CTSS: variants seen among roughly 807,000 people sequenced by gnomAD.
The protein encoded by CTSS is cathepsin S.
Under a neutral mutation model 39.9 loss-of-function variants are expected in CTSS, and 15 were observed. The observed-to-expected ratio is 0.38, with a 90% confidence interval of 0.25 to 0.58. The LOEUF is 0.58. Ranked by LOEUF, CTSS falls within the 20% of genes least tolerant of loss-of-function variation. The pLI is 0.70. For missense variants in CTSS, 250 were observed against 398.2 expected (o/e 0.63, Z 3.17); for synonymous variants, 126 against 138.2 (o/e 0.91, Z 0.62).
At chr1:150,740,605 G>A (rs1360341645) in intron 7 of CTSS, among the ~76,000 whole-genome samples, 1 of 152,110 alleles carries the variant, frequency 6.6e-6, no homozygotes, top group Non-Finnish European at 1.5e-5. Context: ...TGTTAGCCAG[G>A]ATGGTCTTGA....
rs181674445 is a variant in CTSS, at chr1:150,739,015, C to T, written c.897-5870G>A. On this transcript the variant is annotated intron_variant, in intron 7 of 7. Coordinates refer to ENST00000368985, the MANE Select transcript of CTSS (RefSeq NM_004079.5). ...TTCGAGACCAGCCTGGCCAACATGG[C>T]GAAACCCCGTCTGTACTAAAAATAC... 1.1e-3 allele frequency among the ~76,000 whole-genome samples: 171 copies of T among 151,884 alleles called. 2 individuals are homozygous for T. In the South Asian group the frequency reaches 0.023, roughly 21 times the overall value.
At position 150,732,942 on chromosome 1, in the gene CTSS, C is replaced by T; in HGVS notation, c.*104G>A. ...TATTTTCTAATTAGTACAGTAAATA[C>T]ACATTAATCATGACACAATTATTTC... On this transcript the variant is annotated 3_prime_UTR_variant, in exon 8 of 8. Transcript: ENST00000368985. 2.4e-6 allele frequency: 2 copies of T among 830,286 alleles called. No individual in the cohort carries two copies. The highest frequency in any genetic ancestry group is 2.7e-5 in the East Asian group (1 of 36,740). The allele number at this position is 830,286 out of a possible 1,614,324, so 51.4% of individuals were successfully genotyped here.
At chr1:150,741,022 C>T (rs1297993835) in intron 7 of CTSS, among the ~76,000 whole-genome samples, 1 of 151,658 alleles carries the variant, frequency 6.6e-6, no homozygotes, top group Non-Finnish European at 1.5e-5. Context: ...TTTTTTTTGA[C>T]ATAGGGTCCT....
intron 7 of CTSS, among the ~76,000 whole-genome samples, chr1:150,743,231 T>C (rs1234405157): frequency 6.6e-6 from 1 of 151,976 alleles, no homozygotes; most frequent in Non-Finnish European, 1.5e-5. Context: ...CATATGTTTT[T>C]TGGGTCATTG....
intron 2 of CTSS, 45 bp downstream of exon 2, chr1:150,764,593 A>G: frequency 6.2e-7 from 1 of 1,611,096 alleles, no homozygotes; most frequent in Non-Finnish European, 8.5e-7. Flanking sequence ...GGTAGAAAAC[A>G]GTACTCCTTT....
At chr1:150,765,362 T>C (rs2101930270) in intron 1 of CTSS, among the ~76,000 whole-genome samples, 1 of 152,248 alleles carries the variant, frequency 6.6e-6, no homozygotes, top group African/African-American at 2.4e-5. Flanking sequence ...CACTTCTGTA[T>C]TTAATTCAAG....
intron 7 of CTSS, among the ~76,000 whole-genome samples, chr1:150,739,413 T>C (rs1353866832): frequency 1.3e-5 from 2 of 152,032 alleles, no homozygotes; most frequent in Non-Finnish European, 2.9e-5. Context: ...AACACATGAA[T>C]GAAAGCAAAA....
chr1:150,764,023 T>TACC (rs772768626), intron 2 of CTSS, among the ~76,000 whole-genome samples: 10 of 152,046 alleles, frequency 6.6e-5, no homozygotes, highest in Non-Finnish European at 1.0e-4. Context: ...ATAGACTTCT[T>TACC]ACCACCACCA....
intron 7 of CTSS, 118 bp downstream of exon 7, chr1:150,747,659 T>C: frequency 1.4e-6 from 1 of 700,978 alleles, no homozygotes; most frequent in Non-Finnish European, 2.5e-6. Context: ...TAAGAAGCTA[T>C]AAAGTTCATC....
At position 150,748,927 on chromosome 1, in the gene CTSS, G is replaced by T. The variant is rs587600186; in HGVS notation, c.794-1048C>A. ...TCTGTTATGGTCATCTGTGATCAAT[G>T]ATCTTTGATGTTACTTCATAATTTT... On this transcript the variant is annotated intron_variant, in intron 6 of 7. Coordinates refer to ENST00000368985, the MANE Select transcript of CTSS (RefSeq NM_004079.5). Among the ~76,000 whole-genome samples the T allele has an allele frequency of 1.6e-4, 24 of 152,222 alleles. No homozygotes were observed. The South Asian group carries it at 5.0e-3, about 32-fold the overall frequency.
intron 3 of CTSS, among the ~76,000 whole-genome samples, chr1:150,757,143 C>T (rs759244466): frequency 6.6e-6 from 1 of 152,122 alleles, no homozygotes; most frequent in Non-Finnish European, 1.5e-5. Context: ...TCTGGTGGGG[C>T]GAATTATCTG....
intron 7 of CTSS, among the ~76,000 whole-genome samples, chr1:150,746,557 G>A (rs937255033): frequency 3.9e-5 from 6 of 152,090 alleles, no homozygotes; most frequent in Non-Finnish European, 8.8e-5. Flanking sequence ...CTGTGATCCA[G>A]TATGCATAGG....
At chr1:150,754,662 A>T (rs1484481227) in intron 4 of CTSS, among the ~76,000 whole-genome samples, 1 of 152,134 alleles carries the variant, frequency 6.6e-6, no homozygotes, top group African/African-American at 2.4e-5. Flanking sequence ...TCCTGGCCTC[A>T]GGTGATGCGC....
chr1:150,756,757 C>T (rs1653139023), intron 3 of CTSS, among the ~76,000 whole-genome samples: 3 of 138,756 alleles, frequency 2.2e-5, no homozygotes, highest in South Asian at 4.7e-4. Flanking sequence ...ACTCTTTTTG[C>T]CCAGGCTGGA....
At chr1:150,742,651 G>A (rs1189729449) in intron 7 of CTSS, among the ~76,000 whole-genome samples, 1 of 152,040 alleles carries the variant, frequency 6.6e-6, no homozygotes, top group African/African-American at 2.4e-5. Flanking sequence ...TGGGTAGAAT[G>A]GAATCTGAAT....
intron 7 of CTSS, among the ~76,000 whole-genome samples, chr1:150,741,464 T>G (rs780104036): frequency 3.9e-5 from 6 of 152,236 alleles, no homozygotes; most frequent in Non-Finnish European, 5.9e-5. Flanking sequence ...TAGGCATTTT[T>G]GGCTACTTAC....
rs376857103 is a variant in CTSS, at chr1:150,757,845, G to C, written c.249+13C>G. 3.0e-5 allele frequency: 48 copies of C among 1,609,872 alleles called. No individual in the cohort carries two copies. The African/African-American group carries it at 4.0e-4, about 13-fold the overall frequency. ...CCCAGACGTGAAAGTGGGATTTCTT[G>C]TAATGTACCTACCATGTCTCCCAGG... On this transcript the variant is annotated intron_variant, in intron 3 of 7. Coordinates refer to ENST00000368985, the MANE Select transcript of CTSS (RefSeq NM_004079.5).
At chr1:150,760,073 AGGATAC>A (rs1167408090) in intron 2 of CTSS, among the ~76,000 whole-genome samples, 1 of 152,070 alleles carries the variant, frequency 6.6e-6, no homozygotes, top group Non-Finnish European at 1.5e-5. Context: ...TTATAAAGGT[AGGATAC>A]GAATCAAAAG....
At chr1:150,739,630 A>C (rs1652703888) in intron 7 of CTSS, among the ~76,000 whole-genome samples, 1 of 151,998 alleles carries the variant, frequency 6.6e-6, no homozygotes, top group African/African-American at 2.4e-5. Context: ...GTGCCACTGC[A>C]CTCCAGCCTG....
Sources: allele counts gnomAD v4.1 joint callset (sites outside exome capture counted in the v4.1 genomes callset), GRCh38; gene constraint gnomAD v4.1.1; transcripts MANE v1.5; gene names NCBI Gene and HGNC (gene_info 2026-07-23, HGNC 2026-07-21).